Variants in MBP observed in about 807,000 individuals in gnomAD.
MBP encodes myelin basic protein, also known as Golli-MBP.
MBP carries 16 observed loss-of-function variants against 35.8 expected under a neutral mutation model. The observed-to-expected ratio is 0.45, with a 90% confidence interval of 0.30 to 0.68. The LOEUF (loss-of-function observed/expected upper bound fraction) is 0.68, where lower values mean the gene tolerates loss of function less well. MBP is among the 30% of genes least tolerant of loss of function. The pLI, the probability that MBP is intolerant of heterozygous loss-of-function variation, is 0.08. For missense variants in MBP, 380 were observed against 404.7 expected (o/e 0.94, Z 0.52); for synonymous variants, 143 against 159.6 (o/e 0.90, Z 0.78).
chr18:77,105,114 C>A, intron 2 of MBP, 97 bp downstream of exon 2: 1 of 1,027,192 alleles, frequency 9.7e-7, no homozygotes, highest in Non-Finnish European at 1.5e-6. Context: ...AAGAGTGTAG[C>A]AGCAAGAGCC....
rs548251542 is a variant in MBP, at chr18:77,101,012, C to T, written c.51+4199G>A. 8.4e-4 allele frequency among the ~76,000 whole-genome samples: 128 copies of T among 152,336 alleles called. No homozygotes were observed. Among genetic ancestry groups the T allele is most frequent in the African/African-American group, 2.6e-3 (110 of 41,580 alleles). ...GCCTGGCACATGGGCACGTTCTGAG[C>T]GCTTGCTGACCCTCCCAAAGGTAAC... On this transcript the variant is annotated intron_variant, in intron 2 of 8. Transcript: ENST00000355994. This position sits in a 1 kb window ranked among gnomAD's most constrained non-coding sequence, Gnocchi z 4.3.
At position 77,009,461 on chromosome 18, in the gene MBP, G is replaced by A. The variant is rs115996984; in HGVS notation, c.576+7371C>T. Reference sequence around the variant, plus strand: ...GGCACTAGTTTTCAAAGCAAACTCGGGTATGCACGTGGCCATAGACCAGGC... The same window carrying A: ...GGCACTAGTTTTCAAAGCAAACTCGAGTATGCACGTGGCCATAGACCAGGC... On this transcript the variant is annotated intron_variant, in intron 4 of 8. Coordinates refer to ENST00000355994, the MANE Select transcript of MBP (RefSeq NM_001025101.2). Among the ~76,000 whole-genome samples, 803 of 152,310 alleles carry A rather than the reference G, an allele frequency of 5.3e-3. 5 individuals carry two copies. Among genetic ancestry groups the A allele is most frequent in the African/African-American group, 0.019 (781 of 41,562 alleles).
chr18:77,009,974 C>CAA (rs1568285817), intron 4 of MBP: 1 of 1,318,698 alleles, frequency 7.6e-7, no homozygotes, highest in Non-Finnish European at 1.1e-6. Context: ...TGGGCGCCGC[C>CAA]GGCAATGCCC....
chr18:76,993,489 G>A (rs558187157), intron 4 of MBP, among the ~76,000 whole-genome samples: 1 of 150,004 alleles, frequency 6.7e-6, no homozygotes, highest in East Asian at 2.0e-4. Context: ...GGCGGAGGTT[G>A]CAGTGAGCTG....
chr18:77,132,324 T>G (rs1977310306), intron 1 of MBP, among the ~76,000 whole-genome samples: 1 of 152,098 alleles, frequency 6.6e-6, no homozygotes, highest in African/African-American at 2.4e-5. Context: ...GGCGGCGACT[T>G]GGGTTCGGGT....
Position 76,988,318 on chromosome 18 carries a change from A to G in MBP, c.750+177T>C. ...ACCAGACCTTCCGGAAGGGAAGACC[A>G]CGTTTCATTTCCCCAGTGGAAGACA... On this transcript the variant is annotated intron_variant, in intron 7 of 8. Transcript: ENST00000355994. The surrounding 1 kb of genome is among the most constrained non-coding windows in gnomAD (Gnocchi z 5.2). The G allele has an allele frequency of 6.3e-7, 1 of 1,576,108 alleles. No homozygotes were observed.
chr18:77,025,420 G>T (rs77401980), intron 3 of MBP, among the ~76,000 whole-genome samples: 5 of 152,128 alleles, frequency 3.3e-5, no homozygotes, highest in Non-Finnish European at 7.3e-5. Flanking sequence ...TGCACTCAGC[G>T]GTCTTGGTGC....
Position 76,979,527 on chromosome 18 carries a change from T to G in MBP, c.*900A>C, listed in dbSNP as rs1318346073. 2 of 190,074 alleles carry G rather than the reference T, an allele frequency of 1.1e-5. No homozygotes were observed. Among genetic ancestry groups the G allele is most frequent in the African/African-American group, 4.7e-5 (2 of 42,130 alleles). 11.8% of individuals were successfully genotyped at this position (190,074 alleles called of 1,614,324 possible). A position where few individuals can be genotyped will look rare whatever the true frequency, so the allele number is the denominator to read the frequency against. On this transcript the variant is annotated 3_prime_UTR_variant, in exon 9 of 9. Transcript: ENST00000355994. Reference sequence around the variant, plus strand: ...GCGGCTGCGAGGCTGTCTAGAGGACTCCTACCCTTCTGCTCTGAGTGCGCA... The same window carrying G: ...GCGGCTGCGAGGCTGTCTAGAGGACGCCTACCCTTCTGCTCTGAGTGCGCA...
rs974607502 is a variant in MBP at position 77,014,082 on chromosome 18, C to G, written c.576+2750G>C. 1.2e-5 allele frequency: 12 copies of G among 984,586 alleles called. No individual in the cohort carries two copies. In the East Asian group the frequency reaches 4.5e-4, roughly 37 times the overall value. The allele number at this position is 984,586 out of a possible 1,614,324, so 61.0% of individuals were successfully genotyped here. On this transcript the variant is annotated intron_variant, in intron 4 of 8. Coordinates refer to ENST00000355994, the MANE Select transcript of MBP (RefSeq NM_001025101.2). Reference sequence around the variant, plus strand: ...GAAACCTGTTCCTTAAAGGCAACAACAGTCCTTTCTTTCCTCTCACAACAA... The same window carrying G: ...GAAACCTGTTCCTTAAAGGCAACAAGAGTCCTTTCTTTCCTCTCACAACAA...
In MBP at chr18:77,088,063, C is replaced by T. The variant is rs1975336082; in HGVS notation, c.51+17148G>A. ...GGCCCTCCAGGCCACACCTACGGGG[C>T]TCCTAAGGCCGGGTTCTCGCCCACA... On this transcript the variant is annotated intron_variant, in intron 2 of 8. Transcript: ENST00000355994. Among the ~76,000 whole-genome samples, 4 of 152,294 alleles carry T rather than the reference C, an allele frequency of 2.6e-5. No individual in the cohort carries two copies. The South Asian group carries it at 8.3e-4, about 32-fold the overall frequency.
chr18:77,074,917 T>G (rs574436148), intron 2 of MBP, among the ~76,000 whole-genome samples: 10 of 152,328 alleles, frequency 6.6e-5, no homozygotes, highest in African/African-American at 2.4e-4. Flanking sequence ...ACAAAAGTTT[T>G]AATTTACCTG....
intron 1 of MBP, among the ~76,000 whole-genome samples, chr18:77,129,594 C>T (rs1977172460): frequency 6.6e-6 from 1 of 152,232 alleles, no homozygotes; most frequent in Non-Finnish European, 1.5e-5. Context: ...CAGCTACTCG[C>T]CTGGCATTTC....
intron 8 of MBP, chr18:76,981,103 T>C (rs1014810029): frequency 6.5e-6 from 1 of 153,702 alleles, no homozygotes; most frequent in African/African-American, 2.4e-5. Context: ...AGTTGGCAGC[T>C]AATTGAGATG....
intron 3 of MBP, among the ~76,000 whole-genome samples, chr18:77,029,423 G>C (rs1350858421): frequency 1.5e-5 from 2 of 132,174 alleles, no homozygotes; most frequent in South Asian, 2.7e-4. Context: ...GAGGGAGACC[G>C]TGGGGAGAGG....
chr18:77,074,167 GC>G (rs1247337965), intron 2 of MBP, among the ~76,000 whole-genome samples: 2 of 152,192 alleles, frequency 1.3e-5, no homozygotes, highest in African/African-American at 4.8e-5. Context: ...GGTAGACAGT[GC>G]CCACGTGGGG....
intron 4 of MBP, chr18:77,005,137 C>T (rs1599530805): frequency 1.3e-5 from 2 of 152,382 alleles, no homozygotes; most frequent in African/African-American, 4.8e-5. Flanking sequence ...TGGGTTTAAC[C>T]TCAAAGAGGA....
intron 3 of MBP, among the ~76,000 whole-genome samples, chr18:77,039,212 A>T (rs1341579790): frequency 1.3e-5 from 2 of 152,190 alleles, no homozygotes; most frequent in Admixed American, 1.3e-4. Context: ...AACCTAAAAT[A>T]TATACTGTCT....
intron 2 of MBP, among the ~76,000 whole-genome samples, chr18:77,074,661 G>A (rs1974583742): frequency 6.6e-6 from 1 of 152,144 alleles, no homozygotes; most frequent in African/African-American, 2.4e-5. Flanking sequence ...GAAGGAAAGG[G>A]AAGCCAGGCA....
rs1971948857 is a variant in MBP, at chr18:77,020,543, C to G, written c.140-3275G>C. Among the ~76,000 whole-genome samples the G allele has an allele frequency of 1.3e-5, 2 of 152,224 alleles. No homozygotes were observed. The highest frequency in any genetic ancestry group is 2.9e-5 in the Non-Finnish European group (2 of 68,040). Reference sequence around the variant, plus strand: ...ATGGCGAAGTCCAGGAACCCCTCCTCAGAGTCACATGGGAGGCTGAATTTC... The same window carrying G: ...ATGGCGAAGTCCAGGAACCCCTCCTGAGAGTCACATGGGAGGCTGAATTTC... On this transcript the variant is annotated intron_variant, in intron 3 of 8. Transcript: ENST00000355994. The surrounding 1 kb of genome is among the most constrained non-coding windows in gnomAD (Gnocchi z 4.1).
Sources: gnomAD v4.1 joint callset for allele counts (sites outside exome capture counted in the v4.1 genomes callset) on GRCh38, gnomAD v4.1.1 for gene constraint, Gnocchi (gnomAD v3.1) non-coding constraint, MANE v1.5 for transcripts, NCBI Gene and HGNC (gene_info 2026-07-23, HGNC 2026-07-21) for gene names.